Variants in SYS1 observed in about 807,000 individuals in gnomAD.
SYS1 encodes SYS1 golgi trafficking protein.
SYS1 carries 8 observed loss-of-function variants against 17.8 expected under a neutral mutation model. That is an observed-to-expected ratio of 0.45 (90% CI 0.26 to 0.81). The LOEUF is 0.81. Ranked by LOEUF, SYS1 falls within the 40% of genes least tolerant of loss-of-function variation. SYS1 has a pLI of 0.16. For missense variants in SYS1, 161 were observed against 203.9 expected, an observed-to-expected ratio of 0.79 and a Z score of 1.28; for synonymous variants, 95 against 90.9, an observed-to-expected ratio of 1.05 and a Z score of -0.26.
rs1043401281 is a variant in SYS1 at position 45,363,176 on chromosome 20, T to C, written c.-143T>C. ...CGTTTCTTTCCTACGCAGCCGCTCC[T>C]GCCGCCGTGGTCGCTGGAGCTTTGC... On this transcript the variant is annotated 5_prime_UTR_variant, in exon 1 of 4. Coordinates refer to ENST00000243918, the MANE Select transcript of SYS1 (RefSeq NM_033542.4). The C allele has an allele frequency of 9.6e-7, 1 of 1,047,060 alleles. No individual in the cohort carries two copies. Among genetic ancestry groups the C allele is most frequent in the Non-Finnish European group, 1.2e-6 (1 of 867,294 alleles). 64.9% of individuals were successfully genotyped at this position (1,047,060 alleles called of 1,614,324 possible). A position where few individuals can be genotyped will look rare whatever the true frequency, so the allele number is the denominator to read the frequency against.
chr20:45,367,258 GC>G lies in SYS1; in HGVS notation c.*145del, dbSNP rs1600748463. 1 of 1,471,304 alleles carries G rather than the reference GC, an allele frequency of 6.8e-7. No homozygotes were observed. Among genetic ancestry groups the G allele is most frequent in the Non-Finnish European group, 9.0e-7 (1 of 1,114,284 alleles). 91.1% of individuals were successfully genotyped at this position (1,471,304 alleles called of 1,614,324 possible). A position where few individuals can be genotyped will look rare whatever the true frequency, so the allele number is the denominator to read the frequency against. On this transcript the variant is annotated 3_prime_UTR_variant, in exon 4 of 4. Coordinates refer to ENST00000243918, the MANE Select transcript of SYS1 (RefSeq NM_033542.4). ...TGTTGGTTTGGGAGAGATAGTGAGG[GC>G]CTGTCAAAGAAGGCAGGTAGCAGTC...
At chr20:45,373,937 A>C, downstream of SYS1, 1 of 1,613,060 alleles carries the variant, frequency 6.2e-7, no homozygotes, top group East Asian at 2.2e-5. Flanking sequence ...TTCGCCACCC[A>C]TTCCTCCCCT....
At chr20:45,376,096 T>G (rs1988724137) in exon 4 of SYS1, 1 of 152,380 alleles carries the variant, frequency 6.6e-6, no homozygotes, top group Admixed American at 6.5e-5. Context: ...AAAAAAAAAT[T>G]TTTAAGTTGG....
upstream of SYS1, chr20:45,362,990 G>C: frequency 1.8e-6 from 1 of 547,682 alleles, no homozygotes; most frequent in Non-Finnish European, 2.3e-6. Context: ...CAAGCTCTGC[G>C]GCCTTCGTTC....
chr20:45,373,822 C>A, downstream of SYS1: 1 of 1,341,242 alleles, frequency 7.5e-7, no homozygotes, highest in Non-Finnish European at 1.1e-6. Flanking sequence ...CTCCCTCTAC[C>A]GAAGGCCTCT....
At chr20:45,371,889 C>A (rs1442444370), downstream of SYS1, among the ~76,000 whole-genome samples, 1 of 152,208 alleles carries the variant, frequency 6.6e-6, no homozygotes. Context: ...AAACTGGCTT[C>A]TCCTACATCA....
downstream of SYS1, chr20:45,374,054 A>AG: frequency 6.3e-7 from 1 of 1,597,620 alleles, no homozygotes; most frequent in South Asian, 1.1e-5. Context: ...GACTGTCCCC[A>AG]GGGGGCGCTG....
chr20:45,369,364 G>T (rs1295730449), downstream of SYS1: 1 of 152,126 alleles, frequency 6.6e-6, no homozygotes, highest in African/African-American at 2.4e-5. Context: ...GGCAGAGCCA[G>T]GATTTGGGCT....
downstream of SYS1, chr20:45,374,114 G>T: frequency 1.9e-6 from 2 of 1,060,146 alleles, no homozygotes; most frequent in Non-Finnish European, 2.9e-6. Flanking sequence ...TGTCTGGTAG[G>T]TTGGAAATGC....
At chr20:45,374,737 C>G (rs1600755667) in exon 4 of SYS1, 1 of 462,032 alleles carries the variant, frequency 2.2e-6, no homozygotes, top group African/African-American at 2.0e-5. Context: ...CTGTGAGATT[C>G]AGAGCCACAG....
At chr20:45,372,814 A>C (rs1464037985), downstream of SYS1, 1 of 152,138 alleles carries the variant, frequency 6.6e-6, no homozygotes, top group African/African-American at 2.4e-5. Context: ...CGCAGCAGCC[A>C]CTATGAGGTG....
At chr20:45,366,052 C>T (rs1226522876) in intron 3 of SYS1, among the ~76,000 whole-genome samples, 1 of 152,130 alleles carries the variant, frequency 6.6e-6, no homozygotes, top group Non-Finnish European at 1.5e-5. Flanking sequence ...CCTCTTTTGT[C>T]CATGAGGGTT....
At chr20:45,362,995 T>G, upstream of SYS1, 1 of 611,916 alleles carries the variant, frequency 1.6e-6, no homozygotes, top group Non-Finnish European at 2.0e-6. Flanking sequence ...TCTGCGGCCT[T>G]CGTTCCTCTC....
At chr20:45,369,528 C>T (rs1453448446), downstream of SYS1, among the ~76,000 whole-genome samples, 3 of 150,108 alleles carry the variant, frequency 2.0e-5, no homozygotes, top group African/African-American at 4.9e-5. Context: ...ATGAATAGTA[C>T]TTTATAAACA....
exon 4 of SYS1, chr20:45,374,516 C>T: frequency 1.9e-6 from 1 of 530,944 alleles, no homozygotes; most frequent in Non-Finnish European, 3.3e-6. Context: ...AAGCAGTCTT[C>T]CTGCCTCGAC....
Position 45,367,036 on chromosome 20 carries a change from C to T in SYS1, c.392C>T (p.Ala131Val). 2 of 1,614,206 alleles carry T rather than the reference C, an allele frequency of 1.2e-6. No homozygotes were observed. The highest frequency in any genetic ancestry group is 3.3e-4 in the Middle Eastern group (2 of 6,062). ...LVQAVCIALMAVIGEYLCMRT... is the reference protein window; with the variant it reads ...LVQAVCIALMVVIGEYLCMRT... ...CAAGCCGTGTGCATTGCACTCATGG[C>T]TGTCATCGGGGAGTACCTGTGCATG... Residue 131 changes from alanine (A) to valine (V), a missense_variant, in exon 4 of 4, where the codon GCT becomes GTT. Transcript: ENST00000243918.
In SYS1 at chr20:45,367,691, C is replaced by T. The variant is rs1055889194; in HGVS notation, c.*576C>T. 2.0e-6 allele frequency: 2 copies of T among 991,016 alleles called. No individual in the cohort carries two copies. The highest frequency in any genetic ancestry group is 2.4e-6 in the Non-Finnish European group (2 of 833,062). The allele number at this position is 991,016 out of a possible 1,614,324, so 61.4% of individuals were successfully genotyped here. ...AGGCATCAAGCACAAGGAAAATGCACAACCTGTGCCCTGTTATACACACGT... is the reference window on the plus strand; with the variant it reads ...AGGCATCAAGCACAAGGAAAATGCATAACCTGTGCCCTGTTATACACACGT... On this transcript the variant is annotated 3_prime_UTR_variant, in exon 4 of 4. Coordinates refer to ENST00000243918, the MANE Select transcript of SYS1 (RefSeq NM_033542.4).
At chr20:45,376,548 A>G (rs1988740108) in exon 4 of SYS1, 1 of 152,244 alleles carries the variant, frequency 6.6e-6, no homozygotes, top group Non-Finnish European at 1.5e-5. Flanking sequence ...TGGGCAAGAT[A>G]TTTAACCTCT....
intron 2 of SYS1, chr20:45,365,217 A>T: frequency 3.1e-6 from 1 of 321,472 alleles, no homozygotes. Flanking sequence ...GTAGCACAGA[A>T]GGCTGCTATA....
Sources: allele counts gnomAD v4.1 joint callset (sites outside exome capture counted in the v4.1 genomes callset), GRCh38; gene constraint gnomAD v4.1.1; transcripts MANE v1.5; gene names NCBI Gene and HGNC (gene_info 2026-07-23, HGNC 2026-07-21).